PMM2: variants seen among roughly 807,000 people sequenced by gnomAD.
The protein encoded by PMM2 is phosphomannomutase 2.
Under a neutral mutation model 33.2 loss-of-function variants are expected in PMM2, and 35 were observed. The ratio of observed to expected loss-of-function variants is 1.06; its 90% CI spans 0.81 to 1.40. PMM2 has a LOEUF of 1.40. Among genes scored for constraint, PMM2 ranks in the 40% most tolerant of loss-of-function variants. PMM2 has a pLI of 0.00. For synonymous variants in PMM2, 153 were observed against 114.7 expected (o/e 1.33, Z -2.13); for missense variants, 386 against 306.0 (o/e 1.26, Z -1.95).
At chr16:8,801,401 T>C (rs1236286471) in intron 1 of PMM2, among the ~76,000 whole-genome samples, 2 of 152,214 alleles carry the variant, frequency 1.3e-5, no homozygotes, top group African/African-American at 4.8e-5. Flanking sequence ...CTTATAGACC[T>C]GGCTTATACC....
intron 7 of PMM2, among the ~76,000 whole-genome samples, chr16:8,840,619 C>T (rs1304211841): frequency 6.6e-6 from 1 of 151,868 alleles, no homozygotes; most frequent in Non-Finnish European, 1.5e-5. Context: ...CTTCGAAATA[C>T]GACTGAGTTT....
chr16:8,845,014 TCACGG>T (rs1199649709), intron 7 of PMM2, among the ~76,000 whole-genome samples: 2 of 152,204 alleles, frequency 1.3e-5, no homozygotes, highest in African/African-American at 4.8e-5. Context: ...CCGATCTGAG[TCACGG>T]CACCAAATTT....
chr16:8,833,655 G>A (rs1346995490), intron 7 of PMM2, among the ~76,000 whole-genome samples: 1 of 151,098 alleles, frequency 6.6e-6, no homozygotes, highest in African/African-American at 2.4e-5. Flanking sequence ...TGTGGTAAGG[G>A]GTGATATTGT....
intron 1 of PMM2, among the ~76,000 whole-genome samples, chr16:8,799,053 G>C (rs1307401357): frequency 6.6e-6 from 1 of 152,016 alleles, no homozygotes; most frequent in South Asian, 2.1e-4. Flanking sequence ...CTAAAACTCC[G>C]GTCCCCAATT....
intron 7 of PMM2, among the ~76,000 whole-genome samples, chr16:8,820,457 G>T (rs1053086485): frequency 2.1e-4 from 32 of 150,944 alleles, no homozygotes; most frequent in African/African-American, 7.8e-4. Flanking sequence ...GGGCTCAAGT[G>T]ATCCTCCCAC....
intron 7 of PMM2, among the ~76,000 whole-genome samples, chr16:8,817,701 TAAATTAACCTGTGCATTCATTATAGA>T (rs2060715759): frequency 6.6e-6 from 1 of 152,170 alleles, no homozygotes; most frequent in East Asian, 1.9e-4. Flanking sequence ...CCCCCAATTG[TAAATTAACCTGTGCATTCATTATAGA>T]AAATTAGAGA....
chr16:8,831,239 AAGATGGAGTCAGGCC>A (rs1384120783), intron 7 of PMM2, among the ~76,000 whole-genome samples: 1 of 152,258 alleles, frequency 6.6e-6, no homozygotes, highest in Non-Finnish European at 1.5e-5. Flanking sequence ...GGTTAGAAGC[AAGATGGAGTCAGGCC>A]AGATCTCTTT....
rs946208340 is a variant in PMM2 at position 8,826,797 on chromosome 16, G to GT, written c.639+13699dup. Reference sequence around the variant, plus strand: ...TTTTTCATTTGCTGATTTTTTAGGGGTTTTTTTTCCCCATTTTACAAATCT... The same window carrying GT: ...TTTTTCATTTGCTGATTTTTTAGGGGTTTTTTTTTCCCCATTTTACAAATCT... On this transcript the variant is annotated intron_variant, in intron 7 of 7. Transcript: ENST00000268261. 1.5e-3 allele frequency among the ~76,000 whole-genome samples: 233 copies of GT among 151,778 alleles called. 1 individual carries two copies. The highest frequency in any genetic ancestry group is 5.1e-3 in the African/African-American group (210 of 41,336).
chr16:8,833,749 G>A (rs953248508), intron 7 of PMM2, among the ~76,000 whole-genome samples: 2 of 151,934 alleles, frequency 1.3e-5, no homozygotes, highest in Non-Finnish European at 2.9e-5. Context: ...AAACTAAATG[G>A]AATAAGAGAA....
chr16:8,811,056 C>G (rs1431608429), intron 4 of PMM2, 23 bp from the exon 5 acceptor site: 2 of 1,393,526 alleles, frequency 1.4e-6, no homozygotes, highest in Non-Finnish European at 2.0e-6. Context: ...TTTGGAGAAA[C>G]TCTGTCACCC....
At chr16:8,836,107 C>G (rs377304459) in intron 7 of PMM2, among the ~76,000 whole-genome samples, 1 of 151,560 alleles carries the variant, frequency 6.6e-6, no homozygotes, top group Non-Finnish European at 1.5e-5. Flanking sequence ...CCGTCAATAC[C>G]CACAACAGTT....
At chr16:8,835,846 G>A (rs1444281792) in intron 7 of PMM2, among the ~76,000 whole-genome samples, 3 of 152,012 alleles carry the variant, frequency 2.0e-5, no homozygotes, top group East Asian at 3.9e-4. Context: ...GGAGGGAGTA[G>A]AGGTATCTTA....
chr16:8,835,772 A>ATTGGTG (rs2060841609), intron 7 of PMM2, among the ~76,000 whole-genome samples: 1 of 151,956 alleles, frequency 6.6e-6, no homozygotes, highest in Non-Finnish European at 1.5e-5. Flanking sequence ...GGGATGGGAC[A>ATTGGTG]TTGAGTGGGG....
At chr16:8,806,679 A>C in intron 4 of PMM2, 1 of 500,526 alleles carries the variant, frequency 2.0e-6, no homozygotes, top group South Asian at 2.1e-5. Flanking sequence ...TCCGAATCCC[A>C]GCACTTAGTA....
At chr16:8,847,336 T>C (rs1246551166) in intron 7 of PMM2, among the ~76,000 whole-genome samples, 1 of 148,662 alleles carries the variant, frequency 6.7e-6, no homozygotes, top group Non-Finnish European at 1.5e-5. Flanking sequence ...TCTGCCCTCC[T>C]GACGCTCCCT....
chr16:8,832,948 C>T (rs1031886989), intron 7 of PMM2: 1 of 983,606 alleles, frequency 1.0e-6, no homozygotes, highest in African/African-American at 1.7e-5. Context: ...CAAGAGCTGT[C>T]TGTTGATGAC....
intron 7 of PMM2, among the ~76,000 whole-genome samples, chr16:8,817,089 T>G (rs1171732591): frequency 6.6e-6 from 1 of 152,226 alleles, no homozygotes; most frequent in African/African-American, 2.4e-5. Context: ...TGGTGATACC[T>G]GCTGTTTAAA....
intron 7 of PMM2, among the ~76,000 whole-genome samples, chr16:8,822,540 C>T (rs1397254440): frequency 6.6e-6 from 1 of 152,182 alleles, no homozygotes; most frequent in African/African-American, 2.4e-5. Flanking sequence ...TGAACAAGGA[C>T]ATCTTGGAAG....
intron 1 of PMM2, 133 bp downstream of exon 1, chr16:8,798,081 A>G (rs1307717993): frequency 3.6e-6 from 3 of 831,742 alleles, no homozygotes; most frequent in Non-Finnish European, 5.9e-6. Context: ...GCTGAACCCT[A>G]TTCTGGGTGC....
Sources: gnomAD v4.1 joint callset for allele counts (sites outside exome capture counted in the v4.1 genomes callset) on GRCh38, gnomAD v4.1.1 for gene constraint, MANE v1.5 for transcripts, NCBI Gene and HGNC (gene_info 2026-07-23, HGNC 2026-07-21) for gene names.